The following LMNTD1 variants were observed in gnomAD, a reference collection of about 807,000 sequenced individuals.
LMNTD1 encodes lamin tail domain-containing protein 1.
A neutral mutation model predicts 50.9 loss-of-function variants in LMNTD1; 35 were observed. That is an observed-to-expected ratio of 0.69 (90% CI 0.53 to 0.91). The LOEUF (loss-of-function observed/expected upper bound fraction) is 0.91. Ranked by LOEUF, LMNTD1 falls within the 40% of genes least tolerant of loss-of-function variation. The pLI, the probability that LMNTD1 is intolerant of heterozygous loss-of-function variation, is 0.00. For missense variants in LMNTD1, 470 were observed against 475.5 expected, an observed-to-expected ratio of 0.99 and a Z score of 0.11; for synonymous variants, 153 against 161.9, an observed-to-expected ratio of 0.94 and a Z score of 0.42.
chr12:25,573,692 G>C (rs1242653294), intron 1 of LMNTD1, among the ~76,000 whole-genome samples: 1 of 152,170 alleles, frequency 6.6e-6, no homozygotes, highest in Non-Finnish European at 1.5e-5. Flanking sequence ...TTGGCAACTT[G>C]TAATGGGGAG....
intron 1 of LMNTD1, among the ~76,000 whole-genome samples, chr12:25,561,020 T>C (rs2136302616): frequency 6.6e-6 from 1 of 152,350 alleles, no homozygotes; most frequent in East Asian, 1.9e-4. Context: ...TGAATACCCT[T>C]TTTTTCTTTC....
Position 25,618,630 on chromosome 12 carries a change from G to A in LMNTD1, c.58+29864C>T, listed in dbSNP as rs558660222. ...CATTAGCACATTTAGGCCTGGAAAG[G>A]AAAGGGAACATAGGAATCGGAGAAG... On this transcript the variant is annotated intron_variant, in intron 1 of 7. Transcript: ENST00000445693. 6.6e-5 allele frequency among the ~76,000 whole-genome samples: 10 copies of A among 152,264 alleles called. No homozygotes were observed. In the Middle Eastern group the frequency reaches 0.027, roughly 414 times the overall value.
chr12:25,621,279 C>T (rs1008686355), intron 1 of LMNTD1, among the ~76,000 whole-genome samples: 1 of 152,066 alleles, frequency 6.6e-6, no homozygotes, highest in Non-Finnish European at 1.5e-5. Flanking sequence ...GGCTGGAGTG[C>T]AGTGGCATGA....
At chr12:25,519,344 C>T (rs950734903) in intron 7 of LMNTD1, among the ~76,000 whole-genome samples, 2 of 139,656 alleles carry the variant, frequency 1.4e-5, no homozygotes, top group Admixed American at 1.5e-4. Flanking sequence ...GTAATCCCAG[C>T]ACTTTGGGAG....
At chr12:25,479,617 T>G (rs1469200647) in intron 9 of LMNTD1, among the ~76,000 whole-genome samples, 1 of 152,118 alleles carries the variant, frequency 6.6e-6, no homozygotes. Context: ...GTAAAGTGAG[T>G]GCCTTGGTCA....
chr12:25,582,461 A>G (rs1592067389), intron 1 of LMNTD1: 1 of 152,226 alleles, frequency 6.6e-6, no homozygotes, highest in African/African-American at 2.4e-5. Flanking sequence ...CTTGCTCAGA[A>G]GCCTATAAAG....
intron 1 of LMNTD1, among the ~76,000 whole-genome samples, chr12:25,575,641 T>A (rs147446194): frequency 6.6e-6 from 1 of 152,090 alleles, no homozygotes; most frequent in Admixed American, 6.6e-5. Flanking sequence ...ACCAGGCCAA[T>A]TGCCTCTTTT....
chr12:25,635,841 G>A (rs996280825), intron 1 of LMNTD1, among the ~76,000 whole-genome samples: 28 of 146,714 alleles, frequency 1.9e-4, no homozygotes, highest in African/African-American at 6.3e-4. Context: ...ATACTTACAG[G>A]CAACTGATCT....
At chr12:25,479,096 G>A (rs1938363128) in intron 9 of LMNTD1, among the ~76,000 whole-genome samples, 1 of 152,072 alleles carries the variant, frequency 6.6e-6, no homozygotes. Flanking sequence ...GATAGCTCGA[G>A]TCAATCACCC....
chr12:25,579,686 G>A (rs1945193803), intron 1 of LMNTD1, among the ~76,000 whole-genome samples: 2 of 152,148 alleles, frequency 1.3e-5, no homozygotes, highest in South Asian at 4.2e-4. Flanking sequence ...TGCTATCTCA[G>A]TAAAAACCAA....
chr12:25,491,212 C>A (rs1033833251), intron 9 of LMNTD1, among the ~76,000 whole-genome samples: 1 of 152,098 alleles, frequency 6.6e-6, no homozygotes, highest in Non-Finnish European at 1.5e-5. Flanking sequence ...GCATTTTATA[C>A]GGAGAAAATC....
chr12:25,520,832 G>T (rs1941266144), intron 6 of LMNTD1, among the ~76,000 whole-genome samples: 1 of 152,112 alleles, frequency 6.6e-6, no homozygotes, highest in South Asian at 2.1e-4. Flanking sequence ...ATGTACTGGG[G>T]TTCCCTTTTC....
chr12:25,569,727 C>T (rs1453459390), intron 1 of LMNTD1, among the ~76,000 whole-genome samples: 2 of 152,018 alleles, frequency 1.3e-5, no homozygotes. Context: ...GTATAGCACC[C>T]CCTGCCCACC....
chr12:25,546,871 T>C (rs764295115), intron 3 of LMNTD1, among the ~76,000 whole-genome samples: 3 of 151,726 alleles, frequency 2.0e-5, no homozygotes, highest in Non-Finnish European at 4.4e-5. Context: ...CATTTTGAAA[T>C]AGGGAAAACA....
At chr12:25,630,942 C>T (rs1347076915) in intron 1 of LMNTD1, among the ~76,000 whole-genome samples, 1 of 152,194 alleles carries the variant, frequency 6.6e-6, no homozygotes, top group African/African-American at 2.4e-5. Flanking sequence ...TGGCCAGAAA[C>T]AGACTCAGGG....
intron 8 of LMNTD1, among the ~76,000 whole-genome samples, chr12:25,515,785 C>G (rs1042942757): frequency 6.6e-5 from 10 of 151,208 alleles, no homozygotes; most frequent in African/African-American, 2.5e-4. Context: ...ATTTGAGAGA[C>G]ACAGTTTAAA....
At chr12:25,635,156 C>T (rs937738541) in intron 1 of LMNTD1, among the ~76,000 whole-genome samples, 1 of 148,900 alleles carries the variant, frequency 6.7e-6, no homozygotes, top group Non-Finnish European at 1.5e-5. Context: ...GGGAGAATCG[C>T]TTAAACCCAG....
intron 1 of LMNTD1, among the ~76,000 whole-genome samples, chr12:25,589,400 G>A (rs1271777385): frequency 1.3e-5 from 2 of 152,096 alleles, no homozygotes; most frequent in African/African-American, 4.8e-5. Context: ...AACTGCAAAG[G>A]AAAGCAAGGA....
At chr12:25,570,141 AC>A (rs1477685148) in intron 1 of LMNTD1, among the ~76,000 whole-genome samples, 1 of 152,224 alleles carries the variant, frequency 6.6e-6, no homozygotes, top group Non-Finnish European at 1.5e-5. Context: ...GCCATCGTTT[AC>A]AAGGCAATTG....
Sources: gnomAD v4.1 joint callset for allele counts (sites outside exome capture counted in the v4.1 genomes callset) on GRCh38, gnomAD v4.1.1 for gene constraint, MANE v1.5 for transcripts, NCBI Gene and HGNC (gene_info 2026-07-23, HGNC 2026-07-21) for gene names.